Variants in PYROXD2 observed in about 807,000 individuals in gnomAD.
PYROXD2 encodes the protein pyridine nucleotide-disulfide oxidoreductase domain-containing protein 2.
Under a neutral mutation model 71.1 loss-of-function variants are expected in PYROXD2, and 69 were observed. The ratio of observed to expected loss-of-function variants is 0.97; its 90% CI spans 0.80 to 1.19. The LOEUF (loss-of-function observed/expected upper bound fraction) is 1.19, where lower values mean the gene tolerates loss of function less well. Ranked by LOEUF, PYROXD2 falls within the 50% of genes most tolerant of loss-of-function variation. The probability of loss-of-function intolerance (pLI) is 0.00; values close to 1 mark genes in which losing one functional copy is unlikely to be tolerated. For synonymous variants in PYROXD2, 287 were observed against 302.7 expected, an observed-to-expected ratio of 0.95 and a Z score of 0.54; for missense variants, 745 against 748.9, an observed-to-expected ratio of 0.99 and a Z score of 0.06.
Position 98,383,647 on chromosome 10 carries a change from T to C in PYROXD2, c.*151A>G. 1.4e-6 allele frequency: 1 copy of C among 715,158 alleles called. No individual in the cohort carries two copies. The highest frequency in any genetic ancestry group is 1.7e-5 in the South Asian group (1 of 60,124). 44.3% of individuals were successfully genotyped at this position (715,158 alleles called of 1,614,324 possible). A position where few individuals can be genotyped will look rare whatever the true frequency, so the allele number is the denominator to read the frequency against. ...GGGCATAAGGTCAACTTGCACTAAATGTAACTCGTACGTTTTTTCTAAAAT... is the reference window on the plus strand; with the variant it reads ...GGGCATAAGGTCAACTTGCACTAAACGTAACTCGTACGTTTTTTCTAAAAT... On this transcript the variant is annotated 3_prime_UTR_variant, in exon 16 of 16. Transcript: ENST00000370575.
Position 98,392,989 on chromosome 10 carries a change from T to C in PYROXD2, c.880A>G (p.Ile294Val). The change falls in exon 9 of 16, where the codon ATC (isoleucine) becomes GTC (valine). Residue 294 changes from isoleucine (I) to valine (V), a missense_variant. Transcript: ENST00000370575. ...QGGMGALSDA[I>V]ASSATTHGAS... is the part of the protein sequence containing the mutation. ...CCATGTGTGGTGGCTGAGCTTGCGATCGCATCAGAGAGGGCACCCATGCCC... is the reference window on the plus strand; with the variant it reads ...CCATGTGTGGTGGCTGAGCTTGCGACCGCATCAGAGAGGGCACCCATGCCC... The C allele has an allele frequency of 1.2e-6, 2 of 1,613,884 alleles. No homozygotes were observed. Among genetic ancestry groups the C allele is most frequent in the Non-Finnish European group, 8.5e-7 (1 of 1,179,852 alleles).
At chr10:98,386,039 G>A (rs530934222) in intron 14 of PYROXD2, among the ~76,000 whole-genome samples, 135 of 152,224 alleles carry the variant, frequency 8.9e-4, no homozygotes, top group Non-Finnish European at 1.5e-3. Context: ...CACTTTGGGA[G>A]GCCAAGGTGG....
chr10:98,403,991 T>G (rs957011275), intron 4 of PYROXD2, among the ~76,000 whole-genome samples: 8 of 152,220 alleles, frequency 5.3e-5, no homozygotes, highest in African/African-American at 1.4e-4. Context: ...CACTTTTCAT[T>G]TGATTCATAA....
At position 98,383,634 on chromosome 10, in the gene PYROXD2, A is replaced by C. The variant is rs1055979937; in HGVS notation, c.*164T>G. 17 of 690,428 alleles carry C rather than the reference A, an allele frequency of 2.5e-5. No individual in the cohort carries two copies. The highest frequency in any genetic ancestry group is 4.2e-5 in the Non-Finnish European group (16 of 378,850). The allele number at this position is 690,428 out of a possible 1,614,324, so 42.8% of individuals were successfully genotyped here. A position where few individuals can be genotyped will look rare whatever the true frequency, so the allele number is the denominator to read the frequency against. On this transcript the variant is annotated 3_prime_UTR_variant, in exon 16 of 16. Transcript: ENST00000370575. Reference sequence around the variant, plus strand: ...TGTATGGAGGCATGGGCATAAGGTCAACTTGCACTAAATGTAACTCGTACG... The same window carrying C: ...TGTATGGAGGCATGGGCATAAGGTCCACTTGCACTAAATGTAACTCGTACG...
rs1490114461 is a variant in PYROXD2, at chr10:98,395,184, C to A, written c.785+12G>T. On this transcript the variant is annotated intron_variant, in intron 8 of 15. Transcript: ENST00000370575. Reference sequence around the variant, plus strand: ...CCCCACTCCTGTGTCCCACCTCACCCCCCTCACTCACCCACTCCCCGGAGT... The same window carrying A: ...CCCCACTCCTGTGTCCCACCTCACCACCCTCACTCACCCACTCCCCGGAGT... 1 of 1,610,922 alleles carries A rather than the reference C, an allele frequency of 6.2e-7. No individual in the cohort carries two copies. Among genetic ancestry groups the A allele is most frequent in the African/African-American group, 1.3e-5 (1 of 74,864 alleles).
intron 9 of PYROXD2, 145 bp from the exon 10 acceptor site, chr10:98,392,711 C>T (rs1842988760): frequency 7.3e-7 from 1 of 1,369,956 alleles, no homozygotes; most frequent in South Asian, 1.4e-5. Context: ...GCAGCTTCTC[C>T]ATGAAGCCTC....
In PYROXD2 at chr10:98,395,186, C is replaced by T; in HGVS notation, c.785+10G>A. 2 of 1,611,762 alleles carry T rather than the reference C, an allele frequency of 1.2e-6. No individual in the cohort carries two copies. The highest frequency in any genetic ancestry group is 1.7e-6 in the Non-Finnish European group (2 of 1,177,998). On this transcript the variant is annotated intron_variant, in intron 8 of 15. Transcript: ENST00000370575. ...CCACTCCTGTGTCCCACCTCACCCC[C>T]CTCACTCACCCACTCCCCGGAGTGT... is the stretch of plus-strand genomic sequence containing the variant.
chr10:98,410,527 C>T, intron 2 of PYROXD2: 2 of 194,822 alleles, frequency 1.0e-5, no homozygotes, highest in African/African-American at 2.3e-5. Context: ...TGGCTGGGAA[C>T]ACAGGGCTCT....
intron 4 of PYROXD2, among the ~76,000 whole-genome samples, chr10:98,402,880 G>A (rs943254155): frequency 6.6e-6 from 1 of 152,222 alleles, no homozygotes; most frequent in African/African-American, 2.4e-5. Context: ...TGTACCCTCC[G>A]CGTGTAGACA....
At chr10:98,388,241 T>C in intron 13 of PYROXD2, 113 bp downstream of exon 13, 1 of 1,077,004 alleles carries the variant, frequency 9.3e-7, no homozygotes, top group South Asian at 1.4e-5. Flanking sequence ...TTTCCTCCCT[T>C]TGGAATGGCA....
intron 9 of PYROXD2, 117 bp downstream of exon 9, chr10:98,392,825 C>T: frequency 7.9e-7 from 1 of 1,264,126 alleles, no homozygotes; most frequent in Non-Finnish European, 1.1e-6. Flanking sequence ...GATTCTGCAA[C>T]CCATCCCCTC....
At chr10:98,397,179 G>A (rs1843216093) in intron 6 of PYROXD2, among the ~76,000 whole-genome samples, 166 bp downstream of exon 6, 2 of 152,198 alleles carry the variant, frequency 1.3e-5, no homozygotes, top group South Asian at 4.1e-4. Flanking sequence ...AGCCTAAGAT[G>A]CTCTCAACAA....
At chr10:98,403,840 C>T (rs7897357) in intron 4 of PYROXD2, among the ~76,000 whole-genome samples, 73,754 of 152,040 alleles carry the variant, frequency 0.49, 20,682 homozygotes, top group African/African-American at 0.78. Flanking sequence ...AGTTCACTGC[C>T]GTACACCCAA....
At chr10:98,411,088 C>T (rs1034017827) in intron 1 of PYROXD2, 130 bp from the exon 2 acceptor site, 7 of 1,292,690 alleles carry the variant, frequency 5.4e-6, no homozygotes, top group Non-Finnish European at 7.5e-6. Flanking sequence ...CTCCCCTCCC[C>T]TTCCCGCACT....
chr10:98,397,291 G>A (rs1420157978), intron 6 of PYROXD2, 54 bp downstream of exon 6: 1 of 1,506,762 alleles, frequency 6.6e-7, no homozygotes, highest in Non-Finnish European at 8.9e-7. Flanking sequence ...GAGACAATGG[G>A]CTCACCTCCT....
At chr10:98,401,549 C>A (rs1375404915) in intron 4 of PYROXD2, among the ~76,000 whole-genome samples, 1 of 152,074 alleles carries the variant, frequency 6.6e-6, no homozygotes, top group African/African-American at 2.4e-5. Flanking sequence ...TTTTTAAAAC[C>A]TTTTTGATTC....
chr10:98,393,699 C>A (rs989448538), intron 8 of PYROXD2, among the ~76,000 whole-genome samples: 1 of 152,126 alleles, frequency 6.6e-6, no homozygotes, highest in African/African-American at 2.4e-5. Context: ...CAGGTCTTGT[C>A]CACATATATC....
At chr10:98,402,285 G>T (rs1175661377) in intron 4 of PYROXD2, among the ~76,000 whole-genome samples, 4 of 152,212 alleles carry the variant, frequency 2.6e-5, no homozygotes, top group Admixed American at 2.0e-4. Context: ...GTAGGTCTGG[G>T]TTTCAAAACC....
At position 98,388,509 on chromosome 10, in the gene PYROXD2, C is replaced by T. The variant is rs148877086; in HGVS notation, c.1293-1G>A. On this transcript the variant is annotated splice_acceptor_variant, in intron 12 of 15. Coordinates refer to ENST00000370575, the MANE Select transcript of PYROXD2 (RefSeq NM_032709.3). LOFTEE classifies it high-confidence loss of function. ...AGGGATGCAGAGCTCAATCACAGGC[C>T]TGTGCGGGCAGGGAGGAGACGGCAG... is the stretch of plus-strand genomic sequence containing the variant. 11 of 1,595,612 alleles carry T rather than the reference C, an allele frequency of 6.9e-6. No homozygotes were observed. Among genetic ancestry groups the T allele is most frequent in the Non-Finnish European group, 9.4e-6 (11 of 1,171,444 alleles).
Sources: allele counts gnomAD v4.1 joint callset (sites outside exome capture counted in the v4.1 genomes callset), GRCh38; gene constraint gnomAD v4.1.1; transcripts MANE v1.5; gene names NCBI Gene and HGNC (gene_info 2026-07-23, HGNC 2026-07-21).